Variants in XKR6 observed in about 807,000 individuals in gnomAD.
XKR6 encodes XK related 6, also known as XK-related protein 6.
In XKR6, 22 loss-of-function variants were observed where a neutral mutation model predicts 56.7. The observed-to-expected ratio is 0.39, with a 90% CI of 0.28 to 0.55. XKR6 has a LOEUF of 0.55. Ranked by LOEUF, XKR6 falls within the 20% of genes least tolerant of loss-of-function variation. XKR6 has a pLI of 0.66. For missense variants in XKR6, 852 were observed against 889.0 expected (o/e 0.96, Z 0.53); for synonymous variants, 524 against 387.8 (o/e 1.35, Z -4.13).
At chr8:11,126,687 T>C (rs1799815669) in intron 1 of XKR6, among the ~76,000 whole-genome samples, 1 of 152,194 alleles carries the variant, frequency 6.6e-6, no homozygotes, top group Non-Finnish European at 1.5e-5. Context: ...AAACAATCTA[T>C]TAATGAACAG....
At chr8:10,957,874 A>T (rs1188477247) in intron 1 of XKR6, among the ~76,000 whole-genome samples, 5 of 152,206 alleles carry the variant, frequency 3.3e-5, no homozygotes, top group African/African-American at 4.8e-5. Context: ...AACAATATCG[A>T]ATCTAAAAAT....
At chr8:11,040,437 C>A (rs948401360) in intron 1 of XKR6, among the ~76,000 whole-genome samples, 6 of 151,564 alleles carry the variant, frequency 4.0e-5, no homozygotes, top group Admixed American at 2.0e-4. Context: ...GAGGCTGAAG[C>A]AGGAGGATCA....
chr8:11,109,076 T>A (rs1235002492), intron 1 of XKR6: 2 of 152,242 alleles, frequency 1.3e-5, no homozygotes, highest in Non-Finnish European at 2.9e-5. Flanking sequence ...TGAAGTGCAG[T>A]GACCAAGAAG....
intron 1 of XKR6, among the ~76,000 whole-genome samples, chr8:11,167,385 T>C (rs758962936): frequency 2.6e-5 from 4 of 152,196 alleles, no homozygotes; most frequent in African/African-American, 4.8e-5. Flanking sequence ...AACGCATTCA[T>C]AAATTTTTAG....
intron 1 of XKR6, among the ~76,000 whole-genome samples, chr8:10,933,847 G>C (rs1247050310): frequency 4.3e-5 from 5 of 117,172 alleles, no homozygotes; most frequent in South Asian, 5.6e-4. Flanking sequence ...CTCCAGCTTT[G>C]TTCTTTTGGC....
intron 2 of XKR6, among the ~76,000 whole-genome samples, chr8:10,900,645 T>G (rs1263305364): frequency 6.6e-6 from 1 of 152,188 alleles, no homozygotes; most frequent in Non-Finnish European, 1.5e-5. Flanking sequence ...AATTTTCCTT[T>G]TCTTTTCTAG....
intron 1 of XKR6, among the ~76,000 whole-genome samples, chr8:10,986,416 A>G (rs1050598239): frequency 6.6e-6 from 1 of 151,874 alleles, no homozygotes; most frequent in Non-Finnish European, 1.5e-5. Context: ...ATCTACAAAT[A>G]TGGTTTTTAA....
intron 1 of XKR6, among the ~76,000 whole-genome samples, chr8:10,983,309 A>G (rs915839055): frequency 6.6e-6 from 1 of 152,196 alleles, no homozygotes; most frequent in Non-Finnish European, 1.5e-5. Context: ...AAGGACAAAC[A>G]TACAAATTAA....
intron 1 of XKR6, among the ~76,000 whole-genome samples, chr8:10,998,934 C>A (rs1004677337): frequency 6.6e-6 from 1 of 152,214 alleles, no homozygotes; most frequent in Non-Finnish European, 1.5e-5. Flanking sequence ...ACTGTGTAGC[C>A]TGAGAATCAA....
Position 11,201,083 on chromosome 8 carries a change from G to A in XKR6, c.257C>T (p.Ala86Val). 5 of 1,378,664 alleles carry A rather than the reference G, an allele frequency of 3.6e-6. No homozygotes were observed. The South Asian group carries it at 8.1e-5, about 22-fold the overall frequency. The allele number at this position is 1,378,664 out of a possible 1,614,324, so 85.4% of individuals were successfully genotyped here. The change falls in exon 1 of 3, where the codon GCC becomes GTC. Residue 86 changes from alanine (A) to valine (V), a missense_variant. Ala to Val is a moderately conservative substitution (Grantham distance 64). This residue lies in a region of XKR6 where 417 missense variants were observed against 355.2 expected (regional missense o/e 1.17). Coordinates refer to ENST00000416569, the MANE Select transcript of XKR6 (RefSeq NM_173683.4). Reference protein sequence around the residue: ...SLLGRKPRRSAAADGGDQPLQ... With the variant: ...SLLGRKPRRSVAADGGDQPLQ... ...CGGCTGGTCCCCCCCGTCGGCGGCG[G>A]CGCTGCGGCGCGGCTTCCTGCCCAG...
intron 1 of XKR6, among the ~76,000 whole-genome samples, chr8:10,973,271 G>A (rs892468679): frequency 4.6e-5 from 7 of 152,190 alleles, no homozygotes; most frequent in African/African-American, 1.7e-4. Flanking sequence ...TGGACAGAGA[G>A]AAAATGCCAC....
chr8:11,049,430 G>C (rs1799489466), intron 1 of XKR6, among the ~76,000 whole-genome samples: 1 of 152,128 alleles, frequency 6.6e-6, no homozygotes. Flanking sequence ...CCCTGACCCG[G>C]GGCTGGCTGC....
intron 1 of XKR6, among the ~76,000 whole-genome samples, chr8:11,155,969 T>C (rs1466054906): frequency 6.6e-6 from 1 of 152,216 alleles, no homozygotes; most frequent in Non-Finnish European, 1.5e-5. Context: ...ACTCAACCCT[T>C]CCACCTTTGC....
intron 2 of XKR6, among the ~76,000 whole-genome samples, chr8:10,904,215 C>T (rs1262133508): frequency 6.6e-6 from 1 of 152,204 alleles, no homozygotes; most frequent in African/African-American, 2.4e-5. Flanking sequence ...GCGCTGGCAG[C>T]ATGCCCACTG....
chr8:11,061,732 G>A (rs1390554343), intron 1 of XKR6, among the ~76,000 whole-genome samples: 1 of 152,152 alleles, frequency 6.6e-6, no homozygotes, highest in Non-Finnish European at 1.5e-5. Context: ...AGGAGCAGAA[G>A]CCCAGGACGA....
intron 1 of XKR6, chr8:11,129,045 T>G: frequency 2.2e-6 from 1 of 446,408 alleles, no homozygotes; most frequent in Non-Finnish European, 4.5e-6. Flanking sequence ...TAAGCACATC[T>G]TAGGCTTCAA....
chr8:10,984,123 C>T (rs774374706), intron 1 of XKR6, among the ~76,000 whole-genome samples: 6 of 152,064 alleles, frequency 3.9e-5, no homozygotes, highest in South Asian at 2.1e-4. Flanking sequence ...CTTAGACAAA[C>T]GAGGCATGTA....
chr8:11,141,628 C>T (rs1462007868), intron 1 of XKR6, among the ~76,000 whole-genome samples: 1 of 152,230 alleles, frequency 6.6e-6, no homozygotes, highest in Non-Finnish European at 1.5e-5. Flanking sequence ...AGCAACTAGG[C>T]TCCAGTTGGT....
chr8:10,955,470 C>A (rs1801856616), intron 1 of XKR6, among the ~76,000 whole-genome samples: 1 of 152,164 alleles, frequency 6.6e-6, no homozygotes, highest in African/African-American at 2.4e-5. Context: ...GGCTCACCAC[C>A]ACATCCAGCC....
Sources: gnomAD v4.1 joint callset for allele counts (sites outside exome capture counted in the v4.1 genomes callset) on GRCh38, gnomAD v4.1.1 for gene constraint, gnomAD v4.1.1 regional missense constraint, MANE v1.5 for transcripts, NCBI Gene and HGNC (gene_info 2026-07-23, HGNC 2026-07-21) for gene names.